SYN2: variants seen among roughly 807,000 people sequenced by gnomAD.
SYN2 encodes synapsin II.
In SYN2, 19 loss-of-function variants were observed where a neutral mutation model predicts 50.9. That is an observed-to-expected ratio of 0.37 (90% CI 0.26 to 0.55). SYN2 has a LOEUF of 0.55. Ranked by LOEUF, SYN2 falls within the 20% of genes least tolerant of loss-of-function variation. The pLI, the probability that SYN2 is intolerant of heterozygous loss-of-function variation, is 0.81. For missense variants in SYN2, 587 were observed against 576.4 expected, an observed-to-expected ratio of 1.02 and a Z score of -0.19; for synonymous variants, 255 against 224.9, an observed-to-expected ratio of 1.13 and a Z score of -1.20.
rs1447525687 is a variant in SYN2, at chr3:12,103,212, C to T, written c.378-37439C>T. Among the ~76,000 whole-genome samples the T allele has an allele frequency of 5.9e-5, 9 of 152,152 alleles. No homozygotes were observed. In the East Asian group the frequency reaches 1.7e-3, roughly 29 times the overall value. ...TCTGCCCCAGACCACTAATGTAAAACAGTCTTTCAAGAATCAGGATGAAAT... is the reference window on the plus strand; with the variant it reads ...TCTGCCCCAGACCACTAATGTAAAATAGTCTTTCAAGAATCAGGATGAAAT... On this transcript the variant is annotated intron_variant, in intron 1 of 12. Coordinates refer to ENST00000621198, the MANE Select transcript of SYN2 (RefSeq NM_133625.6).
intron 1 of SYN2, among the ~76,000 whole-genome samples, chr3:12,097,436 C>T (rs1312176669): frequency 6.6e-6 from 1 of 151,910 alleles, no homozygotes; most frequent in Non-Finnish European, 1.5e-5. Context: ...GAAACCCCTT[C>T]TCTACTAAAA....
chr3:12,027,037 G>C (rs190970487), intron 1 of SYN2, among the ~76,000 whole-genome samples: 1 of 152,258 alleles, frequency 6.6e-6, no homozygotes, highest in Admixed American at 6.5e-5. Context: ...GTAGGAGAGT[G>C]GGGGGAGGCT....
intron 11 of SYN2, chr3:12,185,861 C>A: frequency 1.3e-6 from 1 of 763,420 alleles, no homozygotes; most frequent in Non-Finnish European, 1.6e-6. Flanking sequence ...CAAATGATGC[C>A]AAACTTTGGA....
At chr3:12,060,144 A>G (rs1027361510) in intron 1 of SYN2, among the ~76,000 whole-genome samples, 13 of 152,172 alleles carry the variant, frequency 8.5e-5, no homozygotes, top group African/African-American at 2.7e-4. Flanking sequence ...ATTTTGACAA[A>G]TTGCTGAAGG....
At chr3:12,062,227 A>G (rs1445773717) in intron 1 of SYN2, among the ~76,000 whole-genome samples, 1 of 152,046 alleles carries the variant, frequency 6.6e-6, no homozygotes, top group Non-Finnish European at 1.5e-5. Flanking sequence ...TCACACAGAT[A>G]ATAATCAAAT....
At chr3:12,145,601 GT>G in intron 3 of SYN2, 77 bp from the exon 4 acceptor site, 1 of 1,521,266 alleles carries the variant, frequency 6.6e-7, no homozygotes. Flanking sequence ...TTTATCTTGG[GT>G]TTTGGAAATG....
chr3:12,142,953 A>C (rs1203938532), intron 3 of SYN2, among the ~76,000 whole-genome samples: 1 of 152,210 alleles, frequency 6.6e-6, no homozygotes, highest in African/African-American at 2.4e-5. Flanking sequence ...AAGAAAGAAG[A>C]CAGAAAAAGA....
intron 5 of SYN2, chr3:12,153,740 G>T: frequency 3.7e-6 from 6 of 1,610,894 alleles, no homozygotes; most frequent in Non-Finnish European, 5.1e-6. Flanking sequence ...CAACATTAAA[G>T]TGAGTAGGGT....
chr3:12,113,649 C>G (rs1369766684), intron 1 of SYN2, among the ~76,000 whole-genome samples: 1 of 152,120 alleles, frequency 6.6e-6, no homozygotes, highest in African/African-American at 2.4e-5. Flanking sequence ...AATCTACTTT[C>G]TGTTTTATGG....
At chr3:12,094,855 G>T (rs535484747) in intron 1 of SYN2, among the ~76,000 whole-genome samples, 5 of 152,184 alleles carry the variant, frequency 3.3e-5, no homozygotes, top group Non-Finnish European at 7.3e-5. Context: ...AATATGGAAT[G>T]CTAGAAGAAA....
intron 1 of SYN2, among the ~76,000 whole-genome samples, chr3:12,034,656 C>G (rs1018804078): frequency 6.6e-6 from 1 of 152,124 alleles, no homozygotes; most frequent in Non-Finnish European, 1.5e-5. Flanking sequence ...GAGGGCCAAA[C>G]TTATCCATTA....
intron 1 of SYN2, among the ~76,000 whole-genome samples, chr3:12,046,470 A>C (rs1323008410): frequency 6.6e-6 from 1 of 152,228 alleles, no homozygotes; most frequent in Non-Finnish European, 1.5e-5. Flanking sequence ...AGAGGCTTAT[A>C]GGCTTTGCTA....
chr3:12,123,123 C>G (rs536375649), intron 1 of SYN2, among the ~76,000 whole-genome samples: 1 of 152,030 alleles, frequency 6.6e-6, no homozygotes, highest in East Asian at 1.9e-4. Flanking sequence ...TGAGAAGATT[C>G]AATATGTGTC....
chr3:12,129,139 G>C (rs975451180), intron 1 of SYN2, among the ~76,000 whole-genome samples: 26 of 152,240 alleles, frequency 1.7e-4, no homozygotes, highest in African/African-American at 6.3e-4. Flanking sequence ...TGAATATTAT[G>C]AAGATAATAT....
chr3:12,027,153 T>C (rs904651043), intron 1 of SYN2, among the ~76,000 whole-genome samples: 1 of 152,216 alleles, frequency 6.6e-6, no homozygotes. Flanking sequence ...TTTTGCCTCC[T>C]GTGTGAAAAA....
At chr3:12,163,944 C>T (rs752385078) in intron 7 of SYN2, among the ~76,000 whole-genome samples, 2 of 151,996 alleles carry the variant, frequency 1.3e-5, no homozygotes, top group Non-Finnish European at 2.9e-5. Flanking sequence ...GGATGTGGTG[C>T]TTGCCTATAG....
rs759397113 is a variant in SYN2, at chr3:12,190,555, A to G, written c.1679A>G (p.Asn560Ser). 5 of 1,613,434 alleles carry G rather than the reference A, an allele frequency of 3.1e-6. No individual in the cohort carries two copies. Among genetic ancestry groups the G allele is most frequent in the South Asian group, 1.1e-5 (1 of 90,964 alleles). Residue 560 changes from asparagine to serine, a missense_variant, in exon 13 of 13, where the codon AAT becomes AGT. Coordinates refer to ENST00000621198, the MANE Select transcript of SYN2 (RefSeq NM_133625.6). Reference sequence around the variant, plus strand: ...TCCTCCTTCTTCCGGTCTTCAGCCAATGAGGATGAAGCCAAAGCAGAGACC... The same window carrying G: ...TCCTCCTTCTTCCGGTCTTCAGCCAGTGAGGATGAAGCCAAAGCAGAGACC... Reference protein sequence around the residue: ...SESSFFRSSANEDEAKAETIR... With the variant: ...SESSFFRSSASEDEAKAETIR...
intron 1 of SYN2, among the ~76,000 whole-genome samples, chr3:12,102,951 G>T (rs1238678952): frequency 6.6e-6 from 1 of 152,116 alleles, no homozygotes; most frequent in Non-Finnish European, 1.5e-5. Flanking sequence ...TAAAATAACT[G>T]ACAACCCAGA....
intron 1 of SYN2, among the ~76,000 whole-genome samples, chr3:12,101,342 G>GATA (rs1199080522): frequency 2.6e-5 from 4 of 152,078 alleles, no homozygotes; most frequent in African/African-American, 9.7e-5. Context: ...ACACAACATA[G>GATA]ATAAACCTTT....
Sources: gnomAD v4.1 joint callset for allele counts (sites outside exome capture counted in the v4.1 genomes callset) on GRCh38, gnomAD v4.1.1 for gene constraint, MANE v1.5 for transcripts, NCBI Gene and HGNC (gene_info 2026-07-23, HGNC 2026-07-21) for gene names.